Variants in NLRP2 observed in about 807,000 individuals in gnomAD.
The protein encoded by NLRP2 is NLR family pyrin domain containing 2.
In NLRP2, 107 loss-of-function variants were observed where a neutral mutation model predicts 97.2. The ratio of observed to expected loss-of-function variants is 1.10; its 90% CI spans 0.94 to 1.29. The LOEUF is 1.29. NLRP2 is among the 50% of genes most tolerant of loss of function. The probability of loss-of-function intolerance (pLI) is 0.00; values close to 1 mark genes in which losing one functional copy is unlikely to be tolerated. For synonymous variants in NLRP2, 663 were observed against 551.5 expected (o/e 1.20, Z -2.83); for missense variants, 1,495 against 1,330.3 (o/e 1.12, Z -1.93).
At chr19:54,984,966 G>T in intron 6 of NLRP2, 81 bp from the exon 7 acceptor site, 1 of 1,322,238 alleles carries the variant, frequency 7.6e-7, no homozygotes, top group Non-Finnish European at 1.1e-6. Context: ...ATTTGTCAGG[G>T]GTATATGCCC....
At chr19:54,997,895 T>A (rs2146558329) in intron 12 of NLRP2, among the ~76,000 whole-genome samples, 2 of 151,618 alleles carry the variant, frequency 1.3e-5, no homozygotes, top group South Asian at 4.2e-4. Context: ...AGTAGGTAGG[T>A]TTATAAGCAT....
intron 3 of NLRP2, 119 bp downstream of exon 3, chr19:54,974,663 T>A: frequency 2.5e-6 from 2 of 794,938 alleles, no homozygotes; most frequent in Non-Finnish European, 4.4e-6. Context: ...TTAGCATCCC[T>A]GCTCCCAGGG....
intron 8 of NLRP2, 171 bp from the exon 9 acceptor site, chr19:54,989,851 G>A: frequency 4.5e-6 from 3 of 671,842 alleles, no homozygotes; most frequent in Admixed American, 4.8e-5. Context: ...GGGCATGTTG[G>A]TGCATGGTGC....
chr19:54,980,189 A>G (rs1358996931), intron 4 of NLRP2, among the ~76,000 whole-genome samples: 1 of 137,900 alleles, frequency 7.3e-6, no homozygotes, highest in East Asian at 2.1e-4. Context: ...CATGGCAGGT[A>G]AAGAAATGTT....
chr19:54,975,758 G>C (rs1258020735), intron 3 of NLRP2, among the ~76,000 whole-genome samples: 1 of 151,434 alleles, frequency 6.6e-6, no homozygotes, highest in Non-Finnish European at 1.5e-5. Flanking sequence ...GGCCCCTGAA[G>C]ATTGTGTTTT....
At chr19:54,988,449 TTTTTGTATTTCTAGTA>T (rs1401571046) in intron 8 of NLRP2, among the ~76,000 whole-genome samples, 2 of 152,002 alleles carry the variant, frequency 1.3e-5, no homozygotes, top group African/African-American at 2.4e-5. Context: ...CCCACCTGTA[TTTTTGTATTTCTAGTA>T]TTTTGTATTT....
chr19:55,000,886 C>A lies in NLRP2; in HGVS notation c.3177C>A (p.Asp1059Glu). 1 of 1,613,716 alleles carries A rather than the reference C, an allele frequency of 6.2e-7. No homozygotes were observed. The highest frequency in any genetic ancestry group is 8.5e-7 in the Non-Finnish European group (1 of 1,179,680). ...HPWAERPSSH[D>E]FMI is the part of the protein sequence containing the mutation. ...GGGCAGAAAGGCCTTCTTCTCATGA[C>A]TTCATGATCTGAATCCCCCCGAGTC... Residue 1059 changes from aspartate (D) to glutamate (E), a missense_variant, in exon 13 of 13, where the codon GAC (aspartate) becomes GAA (glutamate). Transcript: ENST00000448584.
In NLRP2 at chr19:54,982,296, G is replaced by T; in HGVS notation, c.598G>T (p.Val200Leu). The T allele has an allele frequency of 6.2e-7, 1 of 1,614,090 alleles. No individual in the cohort carries two copies. ...KMLIPFSNPR[V>L]LPGPFSYTVV... Reference sequence around the variant, plus strand: ...GCTGATCCCATTCAGCAACCCCAGGGTGCTTCCCGGGCCCTTCTCATACAC... The same window carrying T: ...GCTGATCCCATTCAGCAACCCCAGGTTGCTTCCCGGGCCCTTCTCATACAC... Residue 200 changes from valine to leucine, a missense_variant, in exon 6 of 13, where the codon GTG (valine) becomes TTG (leucine). Physicochemically the swap from Val to Leu is conservative, Grantham distance 32 (BLOSUM62 1). Transcript: ENST00000448584.
intron 8 of NLRP2, among the ~76,000 whole-genome samples, chr19:54,987,306 C>T (rs967573082): frequency 6.6e-6 from 1 of 152,150 alleles, no homozygotes; most frequent in Non-Finnish European, 1.5e-5. Context: ...CCTTCAGGAA[C>T]ATCAAGTTGC....
chr19:54,977,196 C>T (rs111930996), intron 3 of NLRP2, among the ~76,000 whole-genome samples: 1 of 151,944 alleles, frequency 6.6e-6, no homozygotes, highest in East Asian at 1.9e-4. Flanking sequence ...GCCTGGCAGG[C>T]AGATCACCTG....
intron 6 of NLRP2, among the ~76,000 whole-genome samples, chr19:54,984,784 ATATTCTC>A: frequency 6.6e-6 from 1 of 151,776 alleles, no homozygotes. Flanking sequence ...TGCCCGGTCT[ATATTCTC>A]TATCTTTTAT....
In NLRP2 at chr19:54,976,806, C is replaced by T. The variant is rs954625717; in HGVS notation, c.326-946C>T. Reference sequence around the variant, plus strand: ...ATTGTTATTAGGATTCCACCTTGTTCTCTCTCTTTTTTTTTTTTTTTTTGA... The same window carrying T: ...ATTGTTATTAGGATTCCACCTTGTTTTCTCTCTTTTTTTTTTTTTTTTTGA... On this transcript the variant is annotated intron_variant, in intron 3 of 12. Transcript: ENST00000448584. The T allele has an allele frequency of 1.8e-3, 434 of 238,604 alleles. 27 individuals carry two copies. Among genetic ancestry groups the T allele is most frequent in the Non-Finnish European group, 2.7e-3 (360 of 133,976 alleles). The allele number at this position is 238,604 out of a possible 1,614,324, so 14.8% of individuals were successfully genotyped here.
chr19:54,995,187 C>CTT (rs34168825), intron 11 of NLRP2, among the ~76,000 whole-genome samples: 1,736 of 87,134 alleles, frequency 0.02, 45 homozygotes, highest in African/African-American at 0.027. Context: ...GTGGGTGCCT[C>CTT]TTTTTTTTTT....
chr19:54,990,861 ATAT>A (rs2072430862), intron 10 of NLRP2, 189 bp downstream of exon 10: 1 of 650,568 alleles, frequency 1.5e-6, no homozygotes, highest in Non-Finnish European at 2.8e-6. Flanking sequence ...AGTAGTAGTA[ATAT>A]TCTATAGGGA....
At position 54,997,389 on chromosome 19, in the gene NLRP2, C is replaced by A; in HGVS notation, c.2952C>A (p.Leu984=). The A allele has an allele frequency of 6.2e-7, 1 of 1,614,162 alleles. No individual in the cohort carries two copies. The highest frequency in any genetic ancestry group is 1.7e-4 in the Middle Eastern group (1 of 6,056). Residue 984 remains leucine, a synonymous_variant, in exon 12 of 13, where the codon CTC becomes CTA. Transcript: ENST00000448584. ...CTGCCCTCAGCTGCAACCAGAGCCT[C>A]GTCACTCTGGACCTGGGTCAGAATC... ...LCSALSCNQS[L]VTLDLGQNPL... is the part of the protein sequence containing the mutation.
intron 8 of NLRP2, among the ~76,000 whole-genome samples, chr19:54,987,739 C>CAAAAAAAA (rs146853071): frequency 8.3e-6 from 1 of 120,234 alleles, no homozygotes; most frequent in Non-Finnish European, 1.8e-5. Context: ...GAGACTGTCT[C>CAAAAAAAA]AAAAAAAAAA....
Position 54,982,309 on chromosome 19 carries a change from C to T in NLRP2, c.611C>T (p.Pro204Leu). ...AGCAACCCCAGGGTGCTTCCCGGGC[C>T]CTTCTCATACACGGTGGTGCTGTAT... ...PFSNPRVLPG[P>L]FSYTVVLYGP... The change falls in exon 6 of 13, where the codon CCC becomes CTC. Residue 204 changes from proline (P) to leucine (L), a missense_variant. Pro to Leu is a moderately conservative substitution (Grantham distance 98, BLOSUM62 -3). Coordinates refer to ENST00000448584, the MANE Select transcript of NLRP2 (RefSeq NM_017852.5). The T allele has an allele frequency of 1.2e-6, 2 of 1,613,986 alleles. No individual in the cohort carries two copies. Among genetic ancestry groups the T allele is most frequent in the Non-Finnish European group, 1.7e-6 (2 of 1,180,018 alleles).
intron 6 of NLRP2, among the ~76,000 whole-genome samples, chr19:54,984,306 C>G (rs1337829602): frequency 8.3e-6 from 1 of 120,438 alleles, no homozygotes; most frequent in Non-Finnish European, 1.7e-5. Flanking sequence ...GTCCAGCTAA[C>G]TTAAGTGGGG....
chr19:54,999,042 A>ACCCCCCCAACCTCCCTCCCGGATG (rs1337867779), intron 12 of NLRP2, among the ~76,000 whole-genome samples: 63 of 136,186 alleles, frequency 4.6e-4, no homozygotes, highest in African/African-American at 1.6e-3. Context: ...CCTCCCGGAC[A>ACCCCCCCAACCTCCCTCCCGGATG]GGGCGGCTGG....
Sources: gnomAD v4.1 joint callset for allele counts (sites outside exome capture counted in the v4.1 genomes callset) on GRCh38, gnomAD v4.1.1 for gene constraint, MANE v1.5 for transcripts, NCBI Gene and HGNC (gene_info 2026-07-23, HGNC 2026-07-21) for gene names.